ZNF423: variants seen among roughly 807,000 people sequenced by gnomAD.
The protein encoded by ZNF423 is Ebf-associated zinc finger protein.
In ZNF423, 12 loss-of-function variants were observed where a neutral mutation model predicts 95.8. The observed-to-expected ratio is 0.13, with a 90% CI of 0.08 to 0.20. The LOEUF (loss-of-function observed/expected upper bound fraction) is 0.20, where lower values mean the gene tolerates loss of function less well. Ranked by LOEUF, ZNF423 falls within the 10% of genes least tolerant of loss-of-function variation. The pLI is 1.00. For missense variants in ZNF423, 1,316 were observed against 1,737.1 expected (o/e 0.76, Z 4.31); for synonymous variants, 749 against 711.9 (o/e 1.05, Z -0.83).
At chr16:49,713,880 C>G (rs1241587141) in intron 3 of ZNF423, among the ~76,000 whole-genome samples, 1 of 152,200 alleles carries the variant, frequency 6.6e-6, no homozygotes, top group South Asian at 2.1e-4. Context: ...CTTCCAGTAA[C>G]TCACTCCCCC....
intron 5 of ZNF423, among the ~76,000 whole-genome samples, chr16:49,621,150 A>G (rs1351862992): frequency 1.3e-5 from 2 of 152,128 alleles, no homozygotes; most frequent in Non-Finnish European, 2.9e-5. Flanking sequence ...GGAAAGGGCG[A>G]CTGGGCAGAG....
chr16:49,669,738 C>T (rs987748407), intron 3 of ZNF423, among the ~76,000 whole-genome samples: 1 of 152,076 alleles, frequency 6.6e-6, no homozygotes, highest in Non-Finnish European at 1.5e-5. Context: ...AGGTCACCCC[C>T]CACACAGAGC....
At chr16:49,670,172 T>G (rs539667907) in intron 3 of ZNF423, among the ~76,000 whole-genome samples, 1 of 152,304 alleles carries the variant, frequency 6.6e-6, no homozygotes, top group African/African-American at 2.4e-5. Flanking sequence ...CAGTTCTGTT[T>G]GGTGACATTG....
At chr16:49,531,464 A>G (rs1315522580) in intron 5 of ZNF423, among the ~76,000 whole-genome samples, 1 of 151,902 alleles carries the variant, frequency 6.6e-6, no homozygotes, top group African/African-American at 2.4e-5. Flanking sequence ...GACCCCTCCG[A>G]CACCATCCCC....
chr16:49,635,895 C>T lies in ZNF423; in HGVS notation c.3281G>A (p.Gly1094Glu). ...GCCGGCGCAGAGGCCGTAGGGCAGC[C>T]CATTGACGTCAAGCTTCACCAGGTC... ...KQDLVKLDVN[G>E]LPYGLCAGCM... The change falls in exon 4 of 8, where the codon GGG (glycine) becomes GAG (glutamate). Residue 1094 changes from glycine (G) to glutamate (E), a missense_variant. Transcript: ENST00000563137. This position sits in a 1 kb window ranked among gnomAD's most constrained non-coding sequence, Gnocchi z 4.8. 1 of 1,581,946 alleles carries T rather than the reference C, an allele frequency of 6.3e-7. No individual in the cohort carries two copies. The highest frequency in any genetic ancestry group is 8.6e-7 in the Non-Finnish European group (1 of 1,164,892).
At chr16:49,691,252 C>A (rs2031769033) in intron 3 of ZNF423, among the ~76,000 whole-genome samples, 1 of 152,240 alleles carries the variant, frequency 6.6e-6, no homozygotes, top group Non-Finnish European at 1.5e-5. Flanking sequence ...TGCCCCCTCC[C>A]AGTTGGGAGG....
At chr16:49,523,837 G>T in intron 6 of ZNF423, 98 bp from the exon 7 acceptor site, 1 of 946,326 alleles carries the variant, frequency 1.1e-6, no homozygotes, top group Non-Finnish European at 1.7e-6. Flanking sequence ...GATCACTGTG[G>T]CATAGGTACA....
At chr16:49,821,026 C>T (rs2034931830) in intron 1 of ZNF423, among the ~76,000 whole-genome samples, 1 of 152,200 alleles carries the variant, frequency 6.6e-6, no homozygotes, top group South Asian at 2.1e-4. Flanking sequence ...GCCTTGTTCG[C>T]CTCGGAAGCT....
chr16:49,501,276 T>G (rs1967388746), intron 7 of ZNF423, among the ~76,000 whole-genome samples: 1 of 152,190 alleles, frequency 6.6e-6, no homozygotes, highest in Non-Finnish European at 1.5e-5. Flanking sequence ...ACTCAAACTT[T>G]GTCAAGAAGA....
intron 2 of ZNF423, among the ~76,000 whole-genome samples, chr16:49,777,282 G>A (rs1389044090): frequency 3.3e-5 from 5 of 152,216 alleles, no homozygotes; most frequent in Non-Finnish European, 7.3e-5. Context: ...CATGTGCATG[G>A]GTGGTACATG....
intron 3 of ZNF423, among the ~76,000 whole-genome samples, chr16:49,716,349 G>A (rs2032705941): frequency 6.6e-6 from 1 of 152,062 alleles, no homozygotes; most frequent in Non-Finnish European, 1.5e-5. Context: ...CCTTGGAGAG[G>A]CTGAGACACT....
chr16:49,805,168 CACAGCATTAT>C (rs1312538568), intron 1 of ZNF423, among the ~76,000 whole-genome samples: 1 of 151,954 alleles, frequency 6.6e-6, no homozygotes, highest in East Asian at 1.9e-4. Flanking sequence ...CCCAAGATCC[CACAGCATTAT>C]ATGTTGCCCA....
In ZNF423 at chr16:49,784,874, C is replaced by T. The variant is rs139057814; in HGVS notation, c.100+4613G>A. Among the ~76,000 whole-genome samples the T allele has an allele frequency of 1.6e-4, 24 of 150,770 alleles. No homozygotes were observed. The East Asian group carries it at 3.5e-3, about 22-fold the overall frequency. On this transcript the variant is annotated intron_variant, in intron 2 of 7. Coordinates refer to ENST00000563137, the MANE Select transcript of ZNF423 (RefSeq NM_001379286.1). Reference sequence around the variant, plus strand: ...CTGAGGCAGGAGAATCGCTTGAACCCGGGCGGTGGAGATTGCAGTTAGCTG... The same window carrying T: ...CTGAGGCAGGAGAATCGCTTGAACCTGGGCGGTGGAGATTGCAGTTAGCTG...
rs1393385902 is a variant in ZNF423, at chr16:49,815,866, CAAACAAAA to C, written c.41-26328_41-26321del. Reference sequence around the variant, plus strand: ...TTAAGTGTTACATTCTAATTCCAAACAAACAAAAAAAAAAAATATATATATATATATAT... The same window carrying C: ...TTAAGTGTTACATTCTAATTCCAAACAAAAAAAATATATATATATATATAT... On this transcript the variant is annotated intron_variant, in intron 1 of 7. Transcript: ENST00000563137. Among the ~76,000 whole-genome samples, 110 of 57,836 alleles carry C rather than the reference CAAACAAAA, an allele frequency of 1.9e-3. 1 individual carries two copies. The highest frequency in any genetic ancestry group is 6.8e-3 in the East Asian group (10 of 1,470). 37.9% of individuals were successfully genotyped at this position (57,836 alleles called of 152,430 possible).
chr16:49,853,623 T>A (rs2035325770), intron 1 of ZNF423: 2 of 985,322 alleles, frequency 2.0e-6, no homozygotes, highest in Non-Finnish European at 2.4e-6. Flanking sequence ...CCTACCAACC[T>A]GCTTGAACTG....
intron 7 of ZNF423, among the ~76,000 whole-genome samples, chr16:49,503,929 C>T (rs377151518): frequency 6.6e-5 from 10 of 152,218 alleles, no homozygotes; most frequent in East Asian, 1.9e-4. Context: ...ACCCTTGCCC[C>T]GGCCATGCCC....
In ZNF423 at chr16:49,722,754, A is replaced by G. The variant is rs546771897; in HGVS notation, c.301+8017T>C. On this transcript the variant is annotated intron_variant, in intron 3 of 7. Coordinates refer to ENST00000563137, the MANE Select transcript of ZNF423 (RefSeq NM_001379286.1). ...AAGAACAAACATTCCTTGAGCACCT[A>G]CTATGTGTTCTAGCCACAGGCCAAA... Among the ~76,000 whole-genome samples the G allele has an allele frequency of 5.9e-5, 9 of 152,234 alleles. No individual in the cohort carries two copies. The South Asian group carries it at 1.9e-3, about 32-fold the overall frequency.
chr16:49,787,341 A>G (rs984729929), intron 2 of ZNF423, among the ~76,000 whole-genome samples: 3 of 152,124 alleles, frequency 2.0e-5, no homozygotes, highest in Non-Finnish European at 4.4e-5. Flanking sequence ...AGAAAACAAA[A>G]CAATTCCTGG....
intron 3 of ZNF423, among the ~76,000 whole-genome samples, chr16:49,650,279 C>T (rs1199592782): frequency 6.6e-6 from 1 of 152,198 alleles, no homozygotes; most frequent in Non-Finnish European, 1.5e-5. Flanking sequence ...TAAGAGTGTG[C>T]ACTGGCTTGC....
Sources: allele counts gnomAD v4.1 joint callset (sites outside exome capture counted in the v4.1 genomes callset), GRCh38; gene constraint gnomAD v4.1.1; non-coding constraint Gnocchi (gnomAD v3.1); transcripts MANE v1.5; gene names NCBI Gene and HGNC (gene_info 2026-07-23, HGNC 2026-07-21).